Variants in SAMSN1 observed in about 807,000 individuals in gnomAD.
SAMSN1 encodes the protein SAM domain-containing protein SAMSN-1.
In SAMSN1, 31 loss-of-function variants were observed where a neutral mutation model predicts 42.0. That is an observed-to-expected ratio of 0.74 (90% CI 0.55 to 1.00). SAMSN1 has a LOEUF of 1.00. Ranked by LOEUF, SAMSN1 falls within the 50% of genes least tolerant of loss-of-function variation. The pLI, the probability that SAMSN1 is intolerant of heterozygous loss-of-function variation, is 0.00. For synonymous variants in SAMSN1, 178 were observed against 151.9 expected, an observed-to-expected ratio of 1.17 and a Z score of -1.26; for missense variants, 464 against 439.4, an observed-to-expected ratio of 1.06 and a Z score of -0.50.
chr21:14,598,835 C>T (rs1193309177), intron 6 of SAMSN1, among the ~76,000 whole-genome samples: 1 of 152,140 alleles, frequency 6.6e-6, no homozygotes, highest in Non-Finnish European at 1.5e-5. Flanking sequence ...ATTCTACAAA[C>T]TTTATCCCAT....
At position 14,556,908 on chromosome 21, in the gene SAMSN1, C is replaced by G. The variant is rs984211511; in HGVS notation, c.261+25228G>C. 5.9e-5 allele frequency among the ~76,000 whole-genome samples: 9 copies of G among 152,260 alleles called. No individual in the cohort carries two copies. The South Asian group carries it at 8.3e-4, about 14-fold the overall frequency. Reference sequence around the variant, plus strand: ...GATCTGGTTTTGTCAACTGAATATACAATAAACCGAATATCCAAGTTAACA... The same window carrying G: ...GATCTGGTTTTGTCAACTGAATATAGAATAAACCGAATATCCAAGTTAACA... On this transcript the variant is annotated intron_variant, in intron 2 of 8. Coordinates refer to the SAMSN1 transcript ENST00000285670.
intron 1 of SAMSN1, among the ~76,000 whole-genome samples, chr21:14,645,532 C>T (rs1983696946): frequency 1.3e-5 from 2 of 152,190 alleles, no homozygotes; most frequent in South Asian, 4.1e-4. Flanking sequence ...AAAGCCTCCT[C>T]AAGAGGGACA....
At chr21:14,578,940 T>C (rs1053478417) in intron 2 of SAMSN1, among the ~76,000 whole-genome samples, 1 of 152,120 alleles carries the variant, frequency 6.6e-6, no homozygotes, top group African/African-American at 2.4e-5. Flanking sequence ...CAGAAGCACA[T>C]CTTTTCAAAC....
At chr21:14,487,347 T>TA (rs368552082) in intron 7 of SAMSN1, among the ~76,000 whole-genome samples, 16,878 of 150,100 alleles carry the variant, frequency 0.11, 1,176 homozygotes, top group East Asian at 0.34. Context: ...TATTTATTTT[T>TA]TATATATATA....
At chr21:14,643,139 A>G (rs1414622340) in intron 1 of SAMSN1, 2 of 716,314 alleles carry the variant, frequency 2.8e-6, no homozygotes, top group Admixed American at 4.0e-5. Flanking sequence ...CCCTCCTGCA[A>G]TACAGAGATT....
At chr21:14,576,897 G>A (rs893908130) in intron 2 of SAMSN1, among the ~76,000 whole-genome samples, 2 of 151,624 alleles carry the variant, frequency 1.3e-5, no homozygotes, top group Admixed American at 1.3e-4. Flanking sequence ...GTTCTTTTGG[G>A]TCTTTGACTT....
At chr21:14,566,966 T>C (rs924590636) in intron 2 of SAMSN1, among the ~76,000 whole-genome samples, 1 of 152,090 alleles carries the variant, frequency 6.6e-6, no homozygotes. Flanking sequence ...CCAAACAATA[T>C]TGGAAACTCT....
chr21:14,575,040 C>T (rs9983058), intron 2 of SAMSN1, among the ~76,000 whole-genome samples: 34,491 of 152,030 alleles, frequency 0.23, 7,921 homozygotes, highest in African/African-American at 0.6. Context: ...AATAAGATCA[C>T]GTAAACTCTC....
intron 2 of SAMSN1, among the ~76,000 whole-genome samples, chr21:14,616,803 G>A (rs1004250869): frequency 8.5e-5 from 13 of 152,106 alleles, no homozygotes; most frequent in African/African-American, 3.1e-4. Context: ...TTCCACTTTT[G>A]AGGGGGAAAA....
At chr21:14,508,964 C>A (rs1568774724) in intron 5 of SAMSN1, among the ~76,000 whole-genome samples, 1 of 151,886 alleles carries the variant, frequency 6.6e-6, no homozygotes, top group Non-Finnish European at 1.5e-5. Context: ...CCCATCTCTA[C>A]TAAAAATACA....
intron 1 of SAMSN1, among the ~76,000 whole-genome samples, chr21:14,538,603 C>T (rs1053686784): frequency 1.3e-4 from 20 of 152,252 alleles, no homozygotes; most frequent in African/African-American, 3.9e-4. Context: ...TGTATCCTAG[C>T]AGTCTTGATA....
At chr21:14,563,319 A>T (rs1472457708) in intron 2 of SAMSN1, among the ~76,000 whole-genome samples, 3 of 152,202 alleles carry the variant, frequency 2.0e-5, no homozygotes, top group Non-Finnish European at 4.4e-5. Flanking sequence ...CAAAAATGTA[A>T]AGTATATGTT....
chr21:14,618,628 A>G (rs144302366), intron 2 of SAMSN1, among the ~76,000 whole-genome samples: 1 of 151,914 alleles, frequency 6.6e-6, no homozygotes, highest in Non-Finnish European at 1.5e-5. Flanking sequence ...GACTACATAC[A>G]CTTTTATTTT....
At chr21:14,544,337 C>T (rs1190649259) in intron 1 of SAMSN1, among the ~76,000 whole-genome samples, 1 of 152,072 alleles carries the variant, frequency 6.6e-6, no homozygotes, top group African/African-American at 2.4e-5. Flanking sequence ...AGGTGTGAGC[C>T]CATGCACCTG....
chr21:14,643,830 C>A (rs1360161281), intron 1 of SAMSN1, among the ~76,000 whole-genome samples: 1 of 152,208 alleles, frequency 6.6e-6, no homozygotes, highest in South Asian at 2.1e-4. Flanking sequence ...GTGGCACCTG[C>A]GGCCTGGTGT....
chr21:14,615,545 T>G (rs1982813390), intron 3 of SAMSN1, among the ~76,000 whole-genome samples: 1 of 152,134 alleles, frequency 6.6e-6, no homozygotes, highest in African/African-American at 2.4e-5. Context: ...ATGCAACATG[T>G]GTATGTCATG....
At chr21:14,626,278 T>G (rs1033097318) in intron 2 of SAMSN1, among the ~76,000 whole-genome samples, 5 of 152,134 alleles carry the variant, frequency 3.3e-5, no homozygotes, top group Non-Finnish European at 1.5e-5. Flanking sequence ...AATTGACAAC[T>G]GGGATCTAAT....
chr21:14,573,344 T>G (rs780742431), intron 2 of SAMSN1, among the ~76,000 whole-genome samples: 40 of 152,310 alleles, frequency 2.6e-4, no homozygotes, highest in Middle Eastern at 3.4e-3. Flanking sequence ...CTTGTTAGAA[T>G]GGTGAGAGCT....
At chr21:14,552,326 C>T (rs1177230562) in intron 2 of SAMSN1, among the ~76,000 whole-genome samples, 4 of 151,982 alleles carry the variant, frequency 2.6e-5, no homozygotes, top group East Asian at 1.9e-4. Flanking sequence ...CTATGAAGTT[C>T]CTTGGTCTGA....
Sources: allele counts gnomAD v4.1 joint callset (sites outside exome capture counted in the v4.1 genomes callset), GRCh38; gene constraint gnomAD v4.1.1; transcripts MANE v1.5; gene names NCBI Gene and HGNC (gene_info 2026-07-23, HGNC 2026-07-21).